MICAL3: variants seen among roughly 807,000 people sequenced by gnomAD.
MICAL3 encodes [F-actin]-monooxygenase MICAL3.
Under a neutral mutation model 207.4 loss-of-function variants are expected in MICAL3, and 62 were observed. The ratio of observed to expected loss-of-function variants is 0.30; its 90% CI spans 0.24 to 0.37. MICAL3 has a LOEUF of 0.37. MICAL3 is among the 10% of genes least tolerant of loss of function. MICAL3 has a pLI of 1.00. For synonymous variants in MICAL3, 1,077 were observed against 1,069.3 expected, an observed-to-expected ratio of 1.01 and a Z score of -0.14; for missense variants, 2,368 against 2,635.6, an observed-to-expected ratio of 0.90 and a Z score of 2.22.
intron 1 of MICAL3, among the ~76,000 whole-genome samples, chr22:17,921,821 A>G (rs190730938): frequency 6.6e-6 from 1 of 151,768 alleles, no homozygotes; most frequent in African/African-American, 2.4e-5. Context: ...GCTCCAATAC[A>G]TCCTCCACGA....
intron 19 of MICAL3, among the ~76,000 whole-genome samples, chr22:17,856,690 C>T (rs1339070120): frequency 2.1e-5 from 3 of 144,812 alleles, no homozygotes; most frequent in East Asian, 2.1e-4. Flanking sequence ...GGCGCAATCT[C>T]GGCTCACTGC....
At chr22:17,867,776 T>C (rs1312322670) in intron 17 of MICAL3, among the ~76,000 whole-genome samples, 1 of 152,238 alleles carries the variant, frequency 6.6e-6, no homozygotes, top group Non-Finnish European at 1.5e-5. Context: ...AAGTTAAGGC[T>C]TCAACTGTCA....
chr22:17,938,108 T>C (rs1386196991), intron 1 of MICAL3, among the ~76,000 whole-genome samples: 1 of 152,196 alleles, frequency 6.6e-6, no homozygotes, highest in East Asian at 1.9e-4. Flanking sequence ...ACAGAAATAT[T>C]TTCACTTCAT....
intron 16 of MICAL3, chr22:17,875,429 A>T: frequency 6.8e-7 from 1 of 1,467,940 alleles, no homozygotes; most frequent in Non-Finnish European, 9.1e-7. Context: ...AGTTTTAGTG[A>T]GTCCTAGGCC....
chr22:17,887,123 G>A (rs762421913), intron 15 of MICAL3, 47 bp downstream of exon 15: 1 of 1,448,986 alleles, frequency 6.9e-7, no homozygotes, highest in Non-Finnish European at 9.7e-7. Flanking sequence ...TAACCAAAAG[G>A]GGCTATTCCA....
At chr22:17,983,224 C>G (rs770094242) in intron 1 of MICAL3, 2 of 152,326 alleles carry the variant, frequency 1.3e-5, no homozygotes, top group African/African-American at 2.4e-5. Flanking sequence ...GCTGCACCAC[C>G]TTCCCTTCAA....
At chr22:17,890,339 C>T (rs773510824) in intron 12 of MICAL3, among the ~76,000 whole-genome samples, 1 of 152,026 alleles carries the variant, frequency 6.6e-6, no homozygotes, top group Admixed American at 6.6e-5. Flanking sequence ...CTTCTCCAGG[C>T]GCCCCTCCAC....
At chr22:17,850,089 G>A (rs867619084) in intron 19 of MICAL3, among the ~76,000 whole-genome samples, 2 of 152,154 alleles carry the variant, frequency 1.3e-5, no homozygotes, top group South Asian at 4.1e-4. Context: ...GGGAAAGCAG[G>A]TGACATGGGC....
rs532375919 is a variant in MICAL3 at position 18,020,373 on chromosome 22, G to A, written c.-75+3908C>T. The stretch of plus-strand genomic sequence containing the variant: ...TATGTTAAATTCTGACTGTCCAAAC[G>A]AGTGCACTTCCATTTTCAAATTTTA... On this transcript the variant is annotated intron_variant, in intron 1 of 31. Transcript: ENST00000441493. Among the ~76,000 whole-genome samples the A allele has an allele frequency of 2.4e-3, 358 of 151,056 alleles. 1 individual carries two copies. Among genetic ancestry groups the A allele is most frequent in the Non-Finnish European group, 4.3e-3 (290 of 67,824 alleles).
intron 15 of MICAL3, among the ~76,000 whole-genome samples, chr22:17,886,287 G>C (rs1290360891): frequency 6.6e-6 from 1 of 152,234 alleles, no homozygotes; most frequent in Non-Finnish European, 1.5e-5. Context: ...ACACATGTAT[G>C]AACCAAAGAG....
At chr22:17,828,209 C>A (rs770036115) in intron 21 of MICAL3, among the ~76,000 whole-genome samples, 1 of 152,238 alleles carries the variant, frequency 6.6e-6, no homozygotes, top group Non-Finnish European at 1.5e-5. Flanking sequence ...TGTGAGACCC[C>A]AGGATGCACT....
chr22:17,970,788 CT>C (rs1602318559), intron 1 of MICAL3, among the ~76,000 whole-genome samples: 2 of 142,646 alleles, frequency 1.4e-5, no homozygotes, highest in East Asian at 5.1e-4. Flanking sequence ...ATTTTTTTAT[CT>C]GTTACGTCTT....
In MICAL3 at chr22:17,821,430, T is replaced by A; in HGVS notation, c.3528A>T (p.Thr1176=). Residue 1176 remains threonine, a synonymous_variant, in exon 25 of 32, where the codon ACA becomes ACT. Coordinates refer to ENST00000441493, the MANE Select transcript of MICAL3 (RefSeq NM_015241.3). ...LLFIPVHSPS[T]EGPQLPPVPA... ...ACAGCGAGCCCCAAACCCTTACCTC[T>A]GTTGAGGGGCTGTGGACTGGAATGA... The A allele has an allele frequency of 6.5e-7, 1 of 1,543,230 alleles. No individual in the cohort carries two copies. The highest frequency in any genetic ancestry group is 1.2e-5 in the South Asian group (1 of 83,300).
chr22:17,913,996 G>A (rs961743105), intron 1 of MICAL3, among the ~76,000 whole-genome samples: 5 of 152,124 alleles, frequency 3.3e-5, no homozygotes, highest in Non-Finnish European at 4.4e-5. Flanking sequence ...AAAATCACAG[G>A]GTTTTGTAGG....
chr22:17,798,438 T>G (rs2061899646), intron 29 of MICAL3, among the ~76,000 whole-genome samples: 1 of 152,130 alleles, frequency 6.6e-6, no homozygotes, highest in South Asian at 2.1e-4. Flanking sequence ...AGGATCACGC[T>G]CCAAGGCGTC....
intron 1 of MICAL3, among the ~76,000 whole-genome samples, chr22:18,002,174 G>A (rs915751349): frequency 1.3e-5 from 2 of 152,062 alleles, no homozygotes; most frequent in African/African-American, 4.8e-5. Context: ...CTACAGCCTG[G>A]GCAACAGAGC....
At chr22:17,952,093 G>A (rs1274432900) in intron 1 of MICAL3, among the ~76,000 whole-genome samples, 1 of 152,216 alleles carries the variant, frequency 6.6e-6, no homozygotes, top group Non-Finnish European at 1.5e-5. Flanking sequence ...GAACTGCAAG[G>A]ATGGGAACGG....
At chr22:17,867,474 G>C (rs1289646565) in intron 17 of MICAL3, among the ~76,000 whole-genome samples, 1 of 152,230 alleles carries the variant, frequency 6.6e-6, no homozygotes, top group East Asian at 1.9e-4. Flanking sequence ...TGAGTGCTTG[G>C]ATCATGCGCT....
intron 27 of MICAL3, among the ~76,000 whole-genome samples, chr22:17,816,328 C>T (rs1281892286): frequency 6.6e-6 from 1 of 152,242 alleles, no homozygotes; most frequent in Non-Finnish European, 1.5e-5. Flanking sequence ...CCCTGGACTG[C>T]GCAGTGTTCT....
Sources: allele counts gnomAD v4.1 joint callset (sites outside exome capture counted in the v4.1 genomes callset), GRCh38; gene constraint gnomAD v4.1.1; transcripts MANE v1.5; gene names NCBI Gene and HGNC (gene_info 2026-07-23, HGNC 2026-07-21).